Variants in LMOD1 observed in about 807,000 individuals in gnomAD.
LMOD1 encodes the protein leiomodin-1.
A neutral mutation model predicts 36.5 loss-of-function variants in LMOD1; 8 were observed. The ratio of observed to expected loss-of-function variants is 0.22; its 90% CI spans 0.13 to 0.40. The LOEUF is 0.40. Ranked by LOEUF, LMOD1 falls within the 10% of genes least tolerant of loss-of-function variation. LMOD1 has a pLI of 1.00. For synonymous variants in LMOD1, 284 were observed against 288.7 expected (o/e 0.98, Z 0.17); for missense variants, 630 against 751.1 (o/e 0.84, Z 1.88).
Position 201,899,394 on chromosome 1 carries a change from G to A in LMOD1, c.1619C>T (p.Pro540Leu). 1 of 1,612,240 alleles carries A rather than the reference G, an allele frequency of 6.2e-7. No homozygotes were observed. Among genetic ancestry groups the A allele is most frequent in the Non-Finnish European group, 8.5e-7 (1 of 1,178,570 alleles). The stretch of plus-strand genomic sequence containing the variant: ...CTCCATGATAAGGGGTGGAGCCAAG[G>A]GAGGGGGAGGGGGTGGTGGGGCAGC... ...APAAPPPPPP[P>L]LAPPLIMENL... The change falls in exon 2 of 3, where the codon CCC becomes CTC. Residue 540 changes from proline (P) to leucine (L), a missense_variant. Physicochemically the swap from Pro to Leu is moderately conservative, Grantham distance 98 (BLOSUM62 -3). This residue lies in a region of LMOD1 where 144 missense variants were observed against 169.8 expected (regional missense o/e 0.85). Coordinates refer to ENST00000367288, the MANE Select transcript of LMOD1 (RefSeq NM_012134.3). The surrounding 1 kb of genome is among the most constrained non-coding windows in gnomAD (Gnocchi z 6.3).
At chr1:201,916,493 C>T (rs534235870) in intron 1 of LMOD1, among the ~76,000 whole-genome samples, 1 of 151,432 alleles carries the variant, frequency 6.6e-6, no homozygotes, top group Non-Finnish European at 1.5e-5. Flanking sequence ...CCAGCCTGAG[C>T]AACAGAGAGA....
intron 1 of LMOD1, among the ~76,000 whole-genome samples, chr1:201,922,911 G>A (rs1231677800): frequency 1.3e-5 from 2 of 151,616 alleles, no homozygotes; most frequent in African/African-American, 2.4e-5. Flanking sequence ...TGCAACCTTC[G>A]CTTCCTGGGT....
intron 1 of LMOD1, among the ~76,000 whole-genome samples, chr1:201,942,087 T>C (rs1558244799): frequency 6.6e-6 from 1 of 152,180 alleles, no homozygotes; most frequent in African/African-American, 2.4e-5. Context: ...AGGGCGGAGC[T>C]ACACTGGCTG....
At chr1:201,915,045 T>C (rs185981655) in intron 1 of LMOD1, among the ~76,000 whole-genome samples, 9 of 152,324 alleles carry the variant, frequency 5.9e-5, no homozygotes, top group Admixed American at 4.6e-4. Context: ...TTCATCCAGA[T>C]CACTTCTGAC....
At chr1:201,925,643 G>A (rs1233568493) in intron 1 of LMOD1, among the ~76,000 whole-genome samples, 1 of 149,586 alleles carries the variant, frequency 6.7e-6, no homozygotes, top group African/African-American at 2.5e-5. Flanking sequence ...CCCAAGACCT[G>A]AAATTTTTCA....
chr1:201,939,138 GT>G (rs35833507), intron 1 of LMOD1, among the ~76,000 whole-genome samples: 22,515 of 139,666 alleles, frequency 0.16, 1,838 homozygotes, highest in Middle Eastern at 0.25. Flanking sequence ...CTCACTGATG[GT>G]TTTTTTTTTT....
At chr1:201,931,535 CAAAAAAAA>C (rs11334173) in intron 1 of LMOD1, among the ~76,000 whole-genome samples, 4 of 82,434 alleles carry the variant, frequency 4.9e-5, no homozygotes, top group East Asian at 3.4e-4. Context: ...GAGACTCTGT[CAAAAAAAA>C]AAAAAAAAAA....
chr1:201,899,219 A>T lies in LMOD1; in HGVS notation c.1776+18T>A, dbSNP rs1170874664. ...CTACCCAGCCCCGCCCTGTTGGCTC[A>T]TGCCCACAACTACTTAACTTCTTGA... On this transcript the variant is annotated intron_variant, in intron 2 of 2. Coordinates refer to ENST00000367288, the MANE Select transcript of LMOD1 (RefSeq NM_012134.3). The surrounding 1 kb of genome is among the most constrained non-coding windows in gnomAD (Gnocchi z 6.3). The T allele has an allele frequency of 6.4e-7, 1 of 1,561,848 alleles. No individual in the cohort carries two copies. Among genetic ancestry groups the T allele is most frequent in the East Asian group, 2.3e-5 (1 of 44,204 alleles).
chr1:201,939,706 C>T (rs182336007), intron 1 of LMOD1, among the ~76,000 whole-genome samples: 11 of 152,150 alleles, frequency 7.2e-5, no homozygotes, highest in Admixed American at 5.2e-4. Context: ...TAAATATTAG[C>T]GTCGCCACTC....
intron 1 of LMOD1, among the ~76,000 whole-genome samples, chr1:201,922,323 C>T (rs554347918): frequency 1.3e-5 from 2 of 152,258 alleles, no homozygotes; most frequent in Admixed American, 1.3e-4. Context: ...TATTAGCCCC[C>T]AAATGGAAAG....
At chr1:201,939,907 G>T (rs920906966) in intron 1 of LMOD1, among the ~76,000 whole-genome samples, 4 of 152,132 alleles carry the variant, frequency 2.6e-5, no homozygotes, top group African/African-American at 9.7e-5. Flanking sequence ...TCTCCTGGGG[G>T]AGAGAAAGAG....
At chr1:201,907,235 A>G (rs1318844783) in intron 1 of LMOD1, among the ~76,000 whole-genome samples, 3 of 152,182 alleles carry the variant, frequency 2.0e-5, no homozygotes, top group Admixed American at 6.5e-5. Flanking sequence ...ACCTTGGCTG[A>G]GACACTTAGC....
chr1:201,932,361 A>G (rs1681937900), intron 1 of LMOD1, among the ~76,000 whole-genome samples: 1 of 152,064 alleles, frequency 6.6e-6, no homozygotes, highest in Non-Finnish European at 1.5e-5. Context: ...GGCTTTAGTG[A>G]AGTGTCCAAA....
At chr1:201,920,740 G>T (rs977934477) in intron 1 of LMOD1, among the ~76,000 whole-genome samples, 3 of 152,132 alleles carry the variant, frequency 2.0e-5, no homozygotes, top group African/African-American at 4.8e-5. Flanking sequence ...TAGAATAGGG[G>T]GTGGGAGGCT....
At chr1:201,908,476 G>A (rs1465869816) in intron 1 of LMOD1, among the ~76,000 whole-genome samples, 1 of 152,180 alleles carries the variant, frequency 6.6e-6, no homozygotes, top group Admixed American at 6.6e-5. Context: ...ATGTTCAAGG[G>A]CTTATACACA....
intron 1 of LMOD1, among the ~76,000 whole-genome samples, chr1:201,924,666 AAAG>A (rs1431248687): frequency 4.0e-3 from 14 of 3,496 alleles, no homozygotes; most frequent in South Asian, 0.015. Flanking sequence ...GAAAGAAAAA[AAAG>A]AAAGAAAGAA....
rs147598739 is a variant in LMOD1, at chr1:201,897,249, G to A, written c.*1123C>T. On this transcript the variant is annotated 3_prime_UTR_variant, in exon 3 of 3. Coordinates refer to ENST00000367288, the MANE Select transcript of LMOD1 (RefSeq NM_012134.3). Reference sequence around the variant, plus strand: ...CCGCCTTCCTGGGCCTGTGACTGCTGTGAGGACCTGGCCCTGAGCCCATGG... The same window carrying A: ...CCGCCTTCCTGGGCCTGTGACTGCTATGAGGACCTGGCCCTGAGCCCATGG... 0.02 allele frequency: 3,527 copies of A among 178,386 alleles called. 61 individuals carry two copies. Among genetic ancestry groups the A allele is most frequent in the Non-Finnish European group, 0.026 (2,139 of 82,292 alleles). 11.1% of individuals were successfully genotyped at this position (178,386 alleles called of 1,614,324 possible).
In LMOD1 at chr1:201,899,005, A is replaced by T. The variant is rs1474860853; in HGVS notation, c.1776+232T>A. On this transcript the variant is annotated intron_variant, in intron 2 of 2. Coordinates refer to ENST00000367288, the MANE Select transcript of LMOD1 (RefSeq NM_012134.3). The surrounding 1 kb of genome is among the most constrained non-coding windows in gnomAD (Gnocchi z 6.3). Reference sequence around the variant, plus strand: ...AGAGAAGCATGGAGTGAGGTATTAAAGGAAGCTCCTTAAAGGAAGGGTAGA... The same window carrying T: ...AGAGAAGCATGGAGTGAGGTATTAATGGAAGCTCCTTAAAGGAAGGGTAGA... Among the ~76,000 whole-genome samples the T allele has an allele frequency of 2.6e-5, 4 of 152,204 alleles. No individual in the cohort carries two copies. Among genetic ancestry groups the T allele is most frequent in the African/African-American group, 9.7e-5 (4 of 41,448 alleles).
intron 1 of LMOD1, among the ~76,000 whole-genome samples, chr1:201,905,382 T>C (rs1240044563): frequency 6.6e-6 from 1 of 152,224 alleles, no homozygotes; most frequent in Non-Finnish European, 1.5e-5. Context: ...ATGCCTTTGA[T>C]AGGTTCAGAT....
Sources: gnomAD v4.1 joint callset for allele counts (sites outside exome capture counted in the v4.1 genomes callset) on GRCh38, gnomAD v4.1.1 for gene constraint, gnomAD v4.1.1 regional missense constraint, Gnocchi (gnomAD v3.1) non-coding constraint, MANE v1.5 for transcripts, NCBI Gene and HGNC (gene_info 2026-07-23, HGNC 2026-07-21) for gene names.